CACNB4: variants seen among roughly 807,000 people sequenced by gnomAD.
The protein encoded by CACNB4 is voltage-dependent L-type calcium channel subunit beta-4.
CACNB4 carries 32 observed loss-of-function variants against 71.2 expected under a neutral mutation model. The ratio of observed to expected loss-of-function variants is 0.45; its 90% CI spans 0.34 to 0.60. CACNB4 has a LOEUF of 0.60. Ranked by LOEUF, CACNB4 falls within the 20% of genes least tolerant of loss-of-function variation. CACNB4 has a pLI of 0.01. For missense variants in CACNB4, 464 were observed against 647.9 expected (o/e 0.72, Z 3.08); for synonymous variants, 231 against 236.9 (o/e 0.97, Z 0.23).
chr2:152,004,204 A>G (rs1682589264), intron 2 of CACNB4, among the ~76,000 whole-genome samples: 1 of 152,160 alleles, frequency 6.6e-6, no homozygotes, highest in Non-Finnish European at 1.5e-5. Context: ...TAAGTCGGGT[A>G]CCTGTGAGGA....
At chr2:152,086,201 T>C (rs1316113179) in intron 2 of CACNB4, among the ~76,000 whole-genome samples, 2 of 152,234 alleles carry the variant, frequency 1.3e-5, no homozygotes. Context: ...ATAGTTTAAT[T>C]TTCATTTTGC....
At chr2:152,094,854 A>G (rs1420066229) in intron 2 of CACNB4, among the ~76,000 whole-genome samples, 1 of 152,228 alleles carries the variant, frequency 6.6e-6, no homozygotes, top group Admixed American at 6.5e-5. Context: ...CTCTCCTGAA[A>G]GAAAATTCTA....
At chr2:151,910,947 C>A (rs2099856009) in intron 2 of CACNB4, among the ~76,000 whole-genome samples, 1 of 152,016 alleles carries the variant, frequency 6.6e-6, no homozygotes, top group Non-Finnish European at 1.5e-5. Flanking sequence ...AATGTTTTTC[C>A]ATTTGTTTGT....
At chr2:152,016,794 G>C (rs1192039316) in intron 2 of CACNB4, among the ~76,000 whole-genome samples, 5 of 152,300 alleles carry the variant, frequency 3.3e-5, no homozygotes, top group African/African-American at 1.2e-4. Flanking sequence ...ATATGGTACA[G>C]CCACTATACA....
intron 2 of CACNB4, among the ~76,000 whole-genome samples, chr2:152,062,237 A>G (rs1686060153): frequency 6.6e-6 from 1 of 152,082 alleles, no homozygotes; most frequent in South Asian, 2.1e-4. Context: ...GCATTACAAC[A>G]GATAGAAAAA....
intron 2 of CACNB4, chr2:151,973,459 A>T (rs1484815768): frequency 5.2e-6 from 3 of 580,020 alleles, no homozygotes; most frequent in Non-Finnish European, 9.2e-6. Context: ...CATCACCCTA[A>T]TTTCTTTTTT....
intron 2 of CACNB4, among the ~76,000 whole-genome samples, chr2:151,894,857 C>T (rs1195886065): frequency 6.6e-6 from 1 of 151,846 alleles, no homozygotes; most frequent in African/African-American, 2.4e-5. Context: ...TACTTTTAAT[C>T]AAGGAGGTGA....
chr2:151,840,593 T>TC (rs1313568716), intron 13 of CACNB4, among the ~76,000 whole-genome samples: 2 of 152,256 alleles, frequency 1.3e-5, no homozygotes, highest in Non-Finnish European at 2.9e-5. Flanking sequence ...GAAATAGTCC[T>TC]AATGCATGCG....
At chr2:152,073,279 A>G (rs1162350660) in intron 2 of CACNB4, among the ~76,000 whole-genome samples, 1 of 152,148 alleles carries the variant, frequency 6.6e-6, no homozygotes, top group African/African-American at 2.4e-5. Context: ...TATTGAAGGG[A>G]GCCAGTCGAG....
rs566110875 is a variant in CACNB4, at chr2:151,860,950, C to T, written c.759-130G>A. The T allele has an allele frequency of 1.3e-5, 8 of 639,630 alleles. No individual in the cohort carries two copies. In the African/African-American group the frequency reaches 1.5e-4, roughly 12 times the overall value. 39.6% of individuals were successfully genotyped at this position (639,630 alleles called of 1,614,324 possible). On this transcript the variant is annotated intron_variant, in intron 9 of 13. Transcript: ENST00000539935. ...GAACCACAGTATAACAAACATTGGC[C>T]ACAAGTATTTTAAACAGGCTCTGGC...
At chr2:152,084,454 G>A (rs1018373261) in intron 2 of CACNB4, among the ~76,000 whole-genome samples, 7 of 152,208 alleles carry the variant, frequency 4.6e-5, no homozygotes, top group African/African-American at 4.8e-5. Flanking sequence ...GGGGAGCTGT[G>A]AGCACACGTT....
chr2:152,030,260 AAC>A (rs1023767225), intron 2 of CACNB4, among the ~76,000 whole-genome samples: 10 of 152,226 alleles, frequency 6.6e-5, no homozygotes, highest in African/African-American at 2.4e-4. Context: ...AGACAAAAGA[AAC>A]ACAACATTGA....
intron 2 of CACNB4, among the ~76,000 whole-genome samples, chr2:152,062,493 A>T (rs1385326609): frequency 6.6e-6 from 1 of 152,238 alleles, no homozygotes; most frequent in Non-Finnish European, 1.5e-5. Context: ...CCAGAAAAAC[A>T]GCACTTCTGA....
chr2:151,956,071 G>A (rs1457282520), intron 2 of CACNB4, among the ~76,000 whole-genome samples: 1 of 152,222 alleles, frequency 6.6e-6, no homozygotes, highest in Non-Finnish European at 1.5e-5. Context: ...ACTGACAAGA[G>A]CAGGATTATA....
intron 9 of CACNB4, among the ~76,000 whole-genome samples, chr2:151,862,313 C>T (rs1214208692): frequency 1.3e-5 from 2 of 152,196 alleles, no homozygotes; most frequent in Non-Finnish European, 2.9e-5. Context: ...TAGTCCTTTC[C>T]TCAGATGGTT....
At chr2:151,903,950 T>G (rs905408653) in intron 2 of CACNB4, among the ~76,000 whole-genome samples, 2 of 152,096 alleles carry the variant, frequency 1.3e-5, no homozygotes, top group African/African-American at 4.8e-5. Context: ...GCTTGGCATA[T>G]AGTAGGTGTA....
chr2:152,026,080 A>T (rs1446033752), intron 2 of CACNB4, among the ~76,000 whole-genome samples: 1 of 152,160 alleles, frequency 6.6e-6, no homozygotes, highest in Non-Finnish European at 1.5e-5. Context: ...ACTTGGCATG[A>T]ATGTCCACAG....
At chr2:151,961,670 T>C (rs2099869680) in intron 2 of CACNB4, among the ~76,000 whole-genome samples, 1 of 152,092 alleles carries the variant, frequency 6.6e-6, no homozygotes, top group South Asian at 2.1e-4. Context: ...GCAGGAGGAC[T>C]GCTTGAGCCC....
intron 2 of CACNB4, chr2:151,970,861 T>G (rs2099872324): frequency 6.6e-6 from 1 of 152,270 alleles, no homozygotes; most frequent in African/African-American, 2.4e-5. Flanking sequence ...CTTTTGCACT[T>G]CCTTGTAATC....
Sources: gnomAD v4.1 joint callset for allele counts (sites outside exome capture counted in the v4.1 genomes callset) on GRCh38, gnomAD v4.1.1 for gene constraint, MANE v1.5 for transcripts, NCBI Gene and HGNC (gene_info 2026-07-23, HGNC 2026-07-21) for gene names.